The following BCAS4 variants were observed in gnomAD, a reference collection of about 807,000 sequenced individuals.
BCAS4 encodes the protein breast carcinoma amplified sequence 4.
BCAS4 carries 9 observed loss-of-function variants against 15.7 expected under a neutral mutation model. The ratio of observed to expected loss-of-function variants is 0.57; its 90% CI spans 0.34 to 1.00. BCAS4 has a LOEUF of 1.00. Among genes scored for constraint, BCAS4 ranks in the 50% least tolerant of loss-of-function variants. The probability of loss-of-function intolerance (pLI) is 0.02; values close to 1 mark genes in which losing one functional copy is unlikely to be tolerated. For synonymous variants in BCAS4, 101 were observed against 99.5 expected (o/e 1.02, Z -0.09); for missense variants, 225 against 239.1 (o/e 0.94, Z 0.39).
chr20:50,836,551 A>C lies in BCAS4; in HGVS notation c.265-5215A>C, dbSNP rs373730200. ...GAGGGATAATTTGTCCAGGATGGAC[A>C]GTCACTGTTCTGCCCTGCCAGCCGG... On this transcript the variant is annotated intron_variant, in intron 3 of 4. Coordinates refer to ENST00000371608, the MANE Select transcript of BCAS4 (RefSeq NM_198799.4). Among the ~76,000 whole-genome samples, 126 of 152,254 alleles carry C rather than the reference A, an allele frequency of 8.3e-4. 2 individuals are homozygous for C. The South Asian group carries it at 0.025, about 30-fold the overall frequency.
intron 4 of BCAS4, among the ~76,000 whole-genome samples, chr20:50,866,802 T>C (rs1398318716): frequency 1.3e-5 from 2 of 152,162 alleles, no homozygotes; most frequent in Non-Finnish European, 2.9e-5. Context: ...CTCTGCCAAT[T>C]CCCAGCTGAG....
intron 1 of BCAS4, among the ~76,000 whole-genome samples, chr20:50,797,067 G>A (rs2087874637): frequency 6.6e-6 from 1 of 151,604 alleles, no homozygotes; most frequent in African/African-American, 2.4e-5. Context: ...TGAATTCCTG[G>A]GCCCAAGAGA....
chr20:50,817,592 G>A (rs1224730134), intron 1 of BCAS4, among the ~76,000 whole-genome samples: 1 of 152,142 alleles, frequency 6.6e-6, no homozygotes, highest in Non-Finnish European at 1.5e-5. Flanking sequence ...CCTCGGAGTA[G>A]CTGTGACTAC....
chr20:50,846,084 C>G lies in BCAS4; in HGVS notation c.399+4184C>G, dbSNP rs542711741. On this transcript the variant is annotated intron_variant, in intron 4 of 4. Coordinates refer to ENST00000371608, the MANE Select transcript of BCAS4 (RefSeq NM_198799.4). ...GCATTTGCTCCACAGACGGAGCCAGCCTGTGCCCCAGGCCCTTGGCACCCA... is the reference window on the plus strand; with the variant it reads ...GCATTTGCTCCACAGACGGAGCCAGGCTGTGCCCCAGGCCCTTGGCACCCA... Among the ~76,000 whole-genome samples the G allele has an allele frequency of 5.3e-5, 8 of 152,376 alleles. No individual in the cohort carries two copies. In the East Asian group the frequency reaches 9.6e-4, roughly 18 times the overall value.
chr20:50,824,134 A>G (rs1389086662), intron 2 of BCAS4, among the ~76,000 whole-genome samples: 3 of 152,206 alleles, frequency 2.0e-5, no homozygotes, highest in Non-Finnish European at 4.4e-5. Flanking sequence ...TGGATTTGTA[A>G]AGCCTTTCAG....
chr20:50,859,991 T>C (rs1978987114), intron 4 of BCAS4, among the ~76,000 whole-genome samples: 2 of 152,030 alleles, frequency 1.3e-5, no homozygotes, highest in Non-Finnish European at 2.9e-5. Context: ...AAAGAATTAG[T>C]TGGGCATAGT....
chr20:50,861,501 A>G (rs1979066395), intron 4 of BCAS4, among the ~76,000 whole-genome samples: 1 of 152,226 alleles, frequency 6.6e-6, no homozygotes, highest in Admixed American at 6.5e-5. Context: ...TCCGTCCAGC[A>G]CGGACGGCCT....
chr20:50,806,109 C>T (rs188840820), intron 1 of BCAS4, among the ~76,000 whole-genome samples: 149 of 152,242 alleles, frequency 9.8e-4, no homozygotes, highest in African/African-American at 3.5e-3. Flanking sequence ...TAGTAGGGTC[C>T]TTTTAAATGG....
chr20:50,854,840 C>T (rs1978667072), intron 4 of BCAS4, among the ~76,000 whole-genome samples: 1 of 152,232 alleles, frequency 6.6e-6, no homozygotes, highest in Admixed American at 6.5e-5. Context: ...CTGCTTTTTA[C>T]AGAATAACCT....
chr20:50,865,651 C>T (rs1437220871), intron 4 of BCAS4, among the ~76,000 whole-genome samples: 4 of 152,206 alleles, frequency 2.6e-5, no homozygotes, highest in African/African-American at 9.7e-5. Flanking sequence ...CAGCCCCAAG[C>T]CCTGTGCTTC....
intron 1 of BCAS4, among the ~76,000 whole-genome samples, chr20:50,812,584 C>T (rs2088084607): frequency 6.6e-6 from 1 of 151,952 alleles, no homozygotes; most frequent in Non-Finnish European, 1.5e-5. Context: ...AGACTACAGG[C>T]TTGTGCCACT....
chr20:50,812,992 T>A (rs1363588461), intron 1 of BCAS4, among the ~76,000 whole-genome samples: 2 of 151,432 alleles, frequency 1.3e-5, no homozygotes. Flanking sequence ...ATTTTTGTAT[T>A]TTTTTTTGTA....
intron 4 of BCAS4, among the ~76,000 whole-genome samples, chr20:50,862,689 T>G (rs562068913): frequency 6.6e-6 from 1 of 152,174 alleles, no homozygotes; most frequent in Admixed American, 6.5e-5. Flanking sequence ...CTGAAGCAGG[T>G]CCTTCAGCTG....
intron 1 of BCAS4, among the ~76,000 whole-genome samples, chr20:50,815,231 A>G (rs1254632704): frequency 6.6e-6 from 1 of 152,194 alleles, no homozygotes; most frequent in Non-Finnish European, 1.5e-5. Context: ...GCAGGCCAGG[A>G]TGGGTTGCAA....
At chr20:50,827,987 C>T (rs1010868328) in intron 2 of BCAS4, among the ~76,000 whole-genome samples, 2 of 151,990 alleles carry the variant, frequency 1.3e-5, no homozygotes, top group Admixed American at 6.6e-5. Flanking sequence ...CTTGGCCTCC[C>T]GAACTGCTGG....
intron 4 of BCAS4, among the ~76,000 whole-genome samples, chr20:50,861,223 G>A (rs901229904): frequency 1.3e-5 from 2 of 152,216 alleles, no homozygotes; most frequent in Non-Finnish European, 2.9e-5. Context: ...GCTGTCCTGG[G>A]CCAAGAGTTC....
intron 1 of BCAS4, among the ~76,000 whole-genome samples, chr20:50,799,666 T>C (rs1371847006): frequency 1.3e-5 from 2 of 152,314 alleles, no homozygotes; most frequent in East Asian, 1.9e-4. Flanking sequence ...ATTCAGCACC[T>C]TCAGCCTCGG....
intron 1 of BCAS4, among the ~76,000 whole-genome samples, 171 bp downstream of exon 1, chr20:50,795,344 CGT>C (rs1271012842): frequency 6.6e-6 from 1 of 152,154 alleles, no homozygotes; most frequent in Non-Finnish European, 1.5e-5. Flanking sequence ...TGCAGCGGGT[CGT>C]CCCTGCTCGC....
chr20:50,830,537 C>A (rs2088331688), intron 3 of BCAS4, among the ~76,000 whole-genome samples, 157 bp downstream of exon 3: 2 of 152,126 alleles, frequency 1.3e-5, no homozygotes, highest in South Asian at 4.1e-4. Context: ...AGTGATATTT[C>A]AAAAAAATCA....
Sources: allele counts gnomAD v4.1 joint callset (sites outside exome capture counted in the v4.1 genomes callset), GRCh38; gene constraint gnomAD v4.1.1; transcripts MANE v1.5; gene names NCBI Gene and HGNC (gene_info 2026-07-23, HGNC 2026-07-21).